The following AMOTL1 variants were observed in gnomAD, a reference collection of about 807,000 sequenced individuals.
AMOTL1 encodes angiomotin-like protein 1.
In AMOTL1, 45 loss-of-function variants were observed where a neutral mutation model predicts 102.9. The ratio of observed to expected loss-of-function variants is 0.44; its 90% confidence interval spans 0.34 to 0.56. The LOEUF (loss-of-function observed/expected upper bound fraction) is 0.56, where lower values mean the gene tolerates loss of function less well. Among genes scored for constraint, AMOTL1 ranks in the 20% least tolerant of loss-of-function variants. The pLI is 0.01. For missense variants in AMOTL1, 1,114 were observed against 1,225.6 expected, an observed-to-expected ratio of 0.91 and a Z score of 1.36; for synonymous variants, 481 against 484.7, an observed-to-expected ratio of 0.99 and a Z score of 0.10.
chr11:94,840,728 G>A lies in AMOTL1; in HGVS notation c.1648+9187G>A, dbSNP rs995152359. Among the ~76,000 whole-genome samples, 577 of 118,898 alleles carry A rather than the reference G, an allele frequency of 4.9e-3. 8 individuals are homozygous for A. The highest frequency in any genetic ancestry group is 0.014 in the African/African-American group (432 of 30,160). 78.0% of individuals were successfully genotyped at this position (118,898 alleles called of 152,430 possible). On this transcript the variant is annotated intron_variant, in intron 6 of 12. Transcript: ENST00000433060. ...CACACATATATATATACATATATAT[G>A]TACACACACATATAATAATGCCTTA... is the stretch of plus-strand genomic sequence containing the variant.
chr11:94,802,189 G>T (rs1951491083), intron 3 of AMOTL1, among the ~76,000 whole-genome samples: 1 of 152,224 alleles, frequency 6.6e-6, no homozygotes, highest in Non-Finnish European at 1.5e-5. Context: ...AGGAATCCAA[G>T]ATGGGATCCA....
chr11:94,774,612 C>T (rs1448640750), intron 1 of AMOTL1, among the ~76,000 whole-genome samples: 3 of 152,212 alleles, frequency 2.0e-5, no homozygotes, highest in Admixed American at 1.3e-4. Context: ...CAGAATACCC[C>T]AGAGGGTTTA....
intron 1 of AMOTL1, among the ~76,000 whole-genome samples, chr11:94,715,306 T>C (rs1014427788): frequency 6.6e-6 from 1 of 152,104 alleles, no homozygotes; most frequent in Non-Finnish European, 1.5e-5. Flanking sequence ...ATGATGAATA[T>C]TCCATGGATG....
At chr11:94,800,386 A>G in intron 3 of AMOTL1, 75 bp downstream of exon 3, 2 of 1,452,548 alleles carry the variant, frequency 1.4e-6, no homozygotes, top group Non-Finnish European at 1.8e-6. Flanking sequence ...TATTATTTTC[A>G]GAGCAGATTA....
chr11:94,868,695 C>T (rs1952931382), intron 11 of AMOTL1, among the ~76,000 whole-genome samples: 1 of 152,170 alleles, frequency 6.6e-6, no homozygotes, highest in Non-Finnish European at 1.5e-5. Context: ...CCAATGGGAA[C>T]ATGTCTAGGA....
intron 1 of AMOTL1, among the ~76,000 whole-genome samples, chr11:94,790,691 G>A (rs1391084884): frequency 6.6e-6 from 1 of 152,170 alleles, no homozygotes; most frequent in African/African-American, 2.4e-5. Flanking sequence ...TATGTGTAAG[G>A]GAGTGGCATG....
At chr11:94,858,956 T>C (rs1952719904) in intron 8 of AMOTL1, among the ~76,000 whole-genome samples, 1 of 152,210 alleles carries the variant, frequency 6.6e-6, no homozygotes, top group Admixed American at 6.5e-5. Context: ...ATTATCTAGT[T>C]TGATTCTCAT....
chr11:94,771,267 G>GA (rs1555067585), intron 1 of AMOTL1, among the ~76,000 whole-genome samples: 6 of 143,330 alleles, frequency 4.2e-5, no homozygotes, highest in Admixed American at 3.4e-4. Flanking sequence ...GTTGGGGGGG[G>GA]GGTGCGGTGT....
intron 2 of AMOTL1, chr11:94,740,481 C>A (rs1950503471): frequency 6.6e-6 from 1 of 151,816 alleles, no homozygotes; most frequent in South Asian, 2.1e-4. Flanking sequence ...GCGCGGGGCG[C>A]CTGGGTGGGC....
intron 3 of AMOTL1, among the ~76,000 whole-genome samples, chr11:94,821,120 T>A (rs1951857163): frequency 6.6e-6 from 1 of 152,184 alleles, no homozygotes; most frequent in Non-Finnish European, 1.5e-5. Context: ...TCAGTGTGAC[T>A]TCAGCTCAAA....
At chr11:94,728,784 TCTAGACAACGAG>T (rs1228941398) in intron 1 of AMOTL1, 2 of 370,482 alleles carry the variant, frequency 5.4e-6, no homozygotes, top group Non-Finnish European at 9.9e-6. Context: ...CATACCCAAA[TCTAGACAACGAG>T]CTTTGTGTGC....
rs887003141 is a variant in AMOTL1 at position 94,740,850 on chromosome 11, C to T, written c.86-88C>T. ...TGGGAGAGAGAAGCCCGCGCTTTTCCCGGGGACCTGCGCTTGAGCTGGTGC... is the reference window on the plus strand; with the variant it reads ...TGGGAGAGAGAAGCCCGCGCTTTTCTCGGGGACCTGCGCTTGAGCTGGTGC... On this transcript the variant is annotated intron_variant, in intron 2 of 4. Transcript: ENST00000299004. 3.5e-6 allele frequency: 4 copies of T among 1,133,292 alleles called. No individual in the cohort carries two copies. In the African/African-American group the frequency reaches 5.2e-5, roughly 15 times the overall value. 70.2% of individuals were successfully genotyped at this position (1,133,292 alleles called of 1,614,324 possible).
chr11:94,707,497 T>TGCAGAGCCCTTTATTTCTTGGC (rs1233854539), intron 1 of AMOTL1, among the ~76,000 whole-genome samples: 1 of 152,164 alleles, frequency 6.6e-6, no homozygotes, highest in Non-Finnish European at 1.5e-5. Context: ...TGTTGAGAAT[T>TGCAGAGCCCTTTATTTCTTGGC]GCAGAGCCCT....
At chr11:94,718,316 A>G (rs1379359755) in intron 1 of AMOTL1, among the ~76,000 whole-genome samples, 2 of 151,984 alleles carry the variant, frequency 1.3e-5, no homozygotes. Context: ...CAATATAACT[A>G]TACCTTACTT....
At chr11:94,816,304 A>G (rs1233509704) in intron 3 of AMOTL1, among the ~76,000 whole-genome samples, 2 of 152,152 alleles carry the variant, frequency 1.3e-5, no homozygotes, top group Non-Finnish European at 2.9e-5. Context: ...TAAAGGCCTA[A>G]AGGAAATGTC....
At position 94,799,549 on chromosome 11, in the gene AMOTL1, C is replaced by G. The variant is rs1197188702; in HGVS notation, c.359C>G (p.Ala120Gly). The G allele has an allele frequency of 3.1e-6, 5 of 1,613,582 alleles. No individual in the cohort carries two copies. The highest frequency in any genetic ancestry group is 4.2e-6 in the Non-Finnish European group (5 of 1,179,790). Residue 120 changes from alanine to glycine, a missense_variant, in exon 3 of 13, where the codon GCC becomes GGC. Coordinates refer to ENST00000433060, the MANE Select transcript of AMOTL1 (RefSeq NM_130847.3). This position sits in a 1 kb window ranked among gnomAD's most constrained non-coding sequence, Gnocchi z 4.5. ...CCAACCGAGAACATGAACTTGCTGG[C>G]CATTCAGCACCAGGCCACAGGGAGT... is the stretch of plus-strand genomic sequence containing the variant. ...GTPTENMNLL[A>G]IQHQATGSAG...
Position 94,866,020 on chromosome 11 carries a change from C to G in AMOTL1, c.2340C>G (p.Ala780=), listed in dbSNP as rs373832536. The change falls in exon 11 of 13, where the codon GCC becomes GCG. Residue 780 remains alanine, a synonymous_variant. Transcript: ENST00000433060. ...TGCAGCAGCGATCTCGTAAAGATGC[C>G]GGGAAGACAGACTCCTCCAGCCTAC... ...KVLQQRSRKD[A]GKTDSSSLRP... is the part of the protein sequence containing the mutation. The G allele has an allele frequency of 3.1e-6, 5 of 1,613,756 alleles. No individual in the cohort carries two copies. Among genetic ancestry groups the G allele is most frequent in the Non-Finnish European group, 4.2e-6 (5 of 1,179,884 alleles).
Position 94,741,281 on chromosome 11 carries a change from G to A in AMOTL1, c.136+293G>A, listed in dbSNP as rs570970214. Among the ~76,000 whole-genome samples the A allele has an allele frequency of 2.0e-5, 3 of 152,182 alleles. No homozygotes were observed. In the East Asian group the frequency reaches 5.8e-4, roughly 29 times the overall value. ...GTGTGCGTGTTCGTCTGGGGCAGTGGTGCTGCTCCGAGGAGCCTGGCACAG... is the reference window on the plus strand; with the variant it reads ...GTGTGCGTGTTCGTCTGGGGCAGTGATGCTGCTCCGAGGAGCCTGGCACAG... On this transcript the variant is annotated intron_variant, in intron 3 of 4. Coordinates refer to the AMOTL1 transcript ENST00000299004.
chr11:94,821,815 C>G lies in AMOTL1; in HGVS notation c.1407C>G (p.Leu469=). ...GTTACTACGACAATGCCGACAAGCT[C>G]CACAAGGTGCGTGACTTCCCTGGGG... ...LQGYYDNADK[L]HKFEKELQRI... The change falls in exon 4 of 13, where the codon CTC becomes CTG. Residue 469 remains leucine (L), a synonymous_variant. Coordinates refer to ENST00000433060, the MANE Select transcript of AMOTL1 (RefSeq NM_130847.3). The G allele has an allele frequency of 6.2e-7, 1 of 1,613,646 alleles. No homozygotes were observed. Among genetic ancestry groups the G allele is most frequent in the Non-Finnish European group, 8.5e-7 (1 of 1,179,608 alleles).
Sources: allele counts gnomAD v4.1 joint callset (sites outside exome capture counted in the v4.1 genomes callset), GRCh38; gene constraint gnomAD v4.1.1; non-coding constraint Gnocchi (gnomAD v3.1); transcripts MANE v1.5; gene names NCBI Gene and HGNC (gene_info 2026-07-23, HGNC 2026-07-21).